The following AKT3 variants were observed in gnomAD, a reference collection of about 807,000 sequenced individuals.
The protein encoded by AKT3 is RAC-gamma serine/threonine-protein kinase.
A neutral mutation model predicts 65.3 loss-of-function variants in AKT3; 15 were observed. That is an observed-to-expected ratio of 0.23 (90% CI 0.15 to 0.35). AKT3 has a LOEUF of 0.35. Ranked by LOEUF, AKT3 falls within the 10% of genes least tolerant of loss-of-function variation. AKT3 has a pLI of 1.00. For missense variants in AKT3, 243 were observed against 576.5 expected, an observed-to-expected ratio of 0.42 and a Z score of 5.92; for synonymous variants, 206 against 183.8, an observed-to-expected ratio of 1.12 and a Z score of -0.98.
At chr1:243,523,117 T>C (rs941852238) in intron 12 of AKT3, among the ~76,000 whole-genome samples, 3 of 152,116 alleles carry the variant, frequency 2.0e-5, no homozygotes, top group Non-Finnish European at 2.9e-5. Flanking sequence ...AAGGAAGCTA[T>C]TGGAGAAAAG....
intron 9 of AKT3, among the ~76,000 whole-genome samples, chr1:243,566,247 A>G (rs1358671916): frequency 6.6e-6 from 1 of 152,190 alleles, no homozygotes; most frequent in African/African-American, 2.4e-5. Context: ...GTAACCTCGT[A>G]TCTCATCTCT....
At chr1:243,642,599 A>T (rs10927049) in intron 5 of AKT3, among the ~76,000 whole-genome samples, 1 of 151,920 alleles carries the variant, frequency 6.6e-6, no homozygotes, top group Admixed American at 6.6e-5. Context: ...GTGAGCCACC[A>T]CGCCCAGCCA....
At chr1:243,647,423 A>G (rs1190738577) in intron 4 of AKT3, among the ~76,000 whole-genome samples, 2 of 152,240 alleles carry the variant, frequency 1.3e-5, no homozygotes, top group East Asian at 3.9e-4. Flanking sequence ...GGGGTGGGCT[A>G]TACCATCTAG....
chr1:243,765,295 G>T (rs944287273), intron 2 of AKT3, among the ~76,000 whole-genome samples: 1 of 151,868 alleles, frequency 6.6e-6, no homozygotes, highest in Non-Finnish European at 1.5e-5. Flanking sequence ...ACTAAGAAGA[G>T]AATTTTCATA....
chr1:243,576,951 C>T (rs1224340412), intron 8 of AKT3, among the ~76,000 whole-genome samples: 1 of 152,058 alleles, frequency 6.6e-6, no homozygotes, highest in South Asian at 2.1e-4. Flanking sequence ...AAAGCTGGAG[C>T]CATCACACTA....
intron 11 of AKT3, among the ~76,000 whole-genome samples, chr1:243,552,514 T>C (rs963813058): frequency 5.9e-5 from 9 of 152,050 alleles, no homozygotes; most frequent in African/African-American, 2.2e-4. Flanking sequence ...AATCCTTATT[T>C]GGTAAATCTG....
intron 8 of AKT3, among the ~76,000 whole-genome samples, chr1:243,577,080 TACAA>T (rs1252515998): frequency 2.0e-5 from 3 of 152,132 alleles, no homozygotes; most frequent in African/African-American, 7.2e-5. Flanking sequence ...ACCAAATATC[TACAA>T]CTATTTGATT....
At chr1:243,825,259 G>A (rs1694099788) in intron 2 of AKT3, among the ~76,000 whole-genome samples, 1 of 152,152 alleles carries the variant, frequency 6.6e-6, no homozygotes, top group Non-Finnish European at 1.5e-5. Context: ...TCAGGGATGA[G>A]GGGAGAAAGA....
intron 2 of AKT3, among the ~76,000 whole-genome samples, chr1:243,783,719 C>G (rs991000539): frequency 6.6e-6 from 1 of 152,066 alleles, no homozygotes; most frequent in African/African-American, 2.4e-5. Context: ...CTTGAATAGT[C>G]TATAACAAAA....
chr1:243,667,733 G>A (rs1682895354), intron 3 of AKT3, among the ~76,000 whole-genome samples: 1 of 152,098 alleles, frequency 6.6e-6, no homozygotes, highest in Non-Finnish European at 1.5e-5. Flanking sequence ...AGATGAGTAA[G>A]GCCTTTAAGT....
chr1:243,753,647 A>G (rs1368678292), intron 2 of AKT3, among the ~76,000 whole-genome samples: 1 of 152,178 alleles, frequency 6.6e-6, no homozygotes, highest in Non-Finnish European at 1.5e-5. Flanking sequence ...GTTGGTAGAG[A>G]AATGAATGTT....
At chr1:243,769,753 A>C (rs2148272858) in intron 2 of AKT3, among the ~76,000 whole-genome samples, 1 of 152,242 alleles carries the variant, frequency 6.6e-6, no homozygotes. Context: ...ACTTTCTTAA[A>C]AATTGTTGTT....
chr1:243,568,081 C>T (rs941829679), intron 9 of AKT3, among the ~76,000 whole-genome samples: 5 of 152,090 alleles, frequency 3.3e-5, no homozygotes, highest in South Asian at 2.1e-4. Flanking sequence ...CTTTCTACTG[C>T]GTAAAGGAGG....
At chr1:243,526,010 A>G (rs1671045632) in intron 12 of AKT3, among the ~76,000 whole-genome samples, 1 of 151,528 alleles carries the variant, frequency 6.6e-6, no homozygotes, top group African/African-American at 2.4e-5. Flanking sequence ...TTAAAACCAG[A>G]GTCTGTCACG....
intron 12 of AKT3, among the ~76,000 whole-genome samples, chr1:243,522,069 T>G (rs1434775941): frequency 2.0e-5 from 3 of 152,192 alleles, no homozygotes; most frequent in East Asian, 1.9e-4. Context: ...ACTGGGAGCC[T>G]TTTTAAAAGG....
rs1424595109 is a variant in AKT3, at chr1:243,543,416, A to AAATT, written c.1251+2093_1251+2094insAATT. ...CTTGAATTTACAGGGCCACATTGGT[A>AAATT]CCTCAACCATTGTCTCTTAAAGAAA... On this transcript the variant is annotated intron_variant, in intron 12 of 13. Transcript: ENST00000673466. Among the ~76,000 whole-genome samples the AAATT allele has an allele frequency of 3.3e-5, 5 of 151,510 alleles. No individual in the cohort carries two copies. In the East Asian group the frequency reaches 9.7e-4, roughly 30 times the overall value.
chr1:243,641,307 C>CATATATACACACATATATATAT (rs1680379625), intron 5 of AKT3, among the ~76,000 whole-genome samples: 2 of 149,042 alleles, frequency 1.3e-5, no homozygotes, highest in East Asian at 3.9e-4. Context: ...CACACACATA[C>CATATATACACACATATATATAT]ATATATACAC....
chr1:243,744,025 G>A (rs1284292850), intron 2 of AKT3, among the ~76,000 whole-genome samples: 9 of 152,186 alleles, frequency 5.9e-5, no homozygotes, highest in Non-Finnish European at 1.2e-4. Flanking sequence ...ACAGAAATGT[G>A]TATGTATGCA....
chr1:243,490,236 C>G (rs1666061196), intron 13 of AKT3, among the ~76,000 whole-genome samples: 1 of 152,236 alleles, frequency 6.6e-6, no homozygotes, highest in Non-Finnish European at 1.5e-5. Flanking sequence ...AGTAAATGAG[C>G]ACACCCAGGC....
Sources: allele counts gnomAD v4.1 joint callset (sites outside exome capture counted in the v4.1 genomes callset), GRCh38; gene constraint gnomAD v4.1.1; transcripts MANE v1.5; gene names NCBI Gene and HGNC (gene_info 2026-07-23, HGNC 2026-07-21).